ATF7IP2: variants seen among roughly 807,000 people sequenced by gnomAD.
ATF7IP2 encodes activating transcription factor 7 interacting protein 2, also known as activating transcription factor 7-interacting protein 2.
Under a neutral mutation model 64.2 loss-of-function variants are expected in ATF7IP2, and 42 were observed. The ratio of observed to expected loss-of-function variants is 0.65; its 90% CI spans 0.51 to 0.85. The LOEUF is 0.85. Among genes scored for constraint, ATF7IP2 ranks in the 40% least tolerant of loss-of-function variants. The pLI is 0.00. For missense variants in ATF7IP2, 933 were observed against 784.2 expected (o/e 1.19, Z -2.27); for synonymous variants, 308 against 272.8 (o/e 1.13, Z -1.27).
Position 10,412,010 on chromosome 16 carries a change from G to GTTTTTTTTTTTTTTTTTTTTTTTTTTT in ATF7IP2, c.-241-2561_-241-2535dup, listed in dbSNP as rs71133351. Among the ~76,000 whole-genome samples the GTTTTTTTTTTTTTTTTTTTTTTTTTTT allele has an allele frequency of 1.5e-4, 9 of 58,388 alleles. 1 individual carries two copies. Among genetic ancestry groups the GTTTTTTTTTTTTTTTTTTTTTTTTTTT allele is most frequent in the Non-Finnish European group, 3.0e-4 (9 of 30,164 alleles). The allele number at this position is 58,388 out of a possible 152,430, so 38.3% of individuals were successfully genotyped here. On this transcript the variant is annotated intron_variant, in intron 1 of 13. Coordinates refer to ENST00000562102, the MANE Select transcript of ATF7IP2 (RefSeq NM_001393719.1). ...CTTTTTGTTTCATTTATCTTTTTTT[G>GTTTTTTTTTTTTTTTTTTTTTTTTTTT]TTTTTTTTTTTTTTTTTTTTTTTTT...
intron 1 of ATF7IP2, among the ~76,000 whole-genome samples, chr16:10,403,421 A>G (rs1251649639): frequency 6.6e-6 from 1 of 152,048 alleles, no homozygotes. Flanking sequence ...TCACCACTGA[A>G]CTCATCCAGA....
intron 1 of ATF7IP2, among the ~76,000 whole-genome samples, chr16:10,412,035 T>TACAC (rs2047777564): frequency 6.8e-6 from 1 of 146,672 alleles, no homozygotes; most frequent in Non-Finnish European, 1.5e-5. Flanking sequence ...TTTTTTTTTT[T>TACAC]TTTTACACTT....
rs186169056 is a variant in ATF7IP2, at chr16:10,394,213, C to T, written c.-242+8091C>T. On this transcript the variant is annotated intron_variant, in intron 1 of 13. Coordinates refer to ENST00000562102, the MANE Select transcript of ATF7IP2 (RefSeq NM_001393719.1). ...AAAGGATAGATGAAGATACAACATG[C>T]AAATAGCAACCATAGTAAAGCTATC... Among the ~76,000 whole-genome samples the T allele has an allele frequency of 1.5e-4, 23 of 152,208 alleles. No homozygotes were observed. In the East Asian group the frequency reaches 4.4e-3, roughly 29 times the overall value.
At chr16:10,433,498 T>G (rs753280215) in intron 5 of ATF7IP2, 27 bp from the exon 6 acceptor site, 1 of 1,594,500 alleles carries the variant, frequency 6.3e-7, no homozygotes, top group Non-Finnish European at 8.6e-7. Context: ...AAAATATCTT[T>G]CTTTCTAATC....
At chr16:10,388,894 C>T (rs2047263630) in intron 1 of ATF7IP2, among the ~76,000 whole-genome samples, 1 of 152,034 alleles carries the variant, frequency 6.6e-6, no homozygotes, top group Non-Finnish European at 1.5e-5. Context: ...CGCCTGTAGT[C>T]CCAGCTTCTC....
At chr16:10,473,421 T>A in intron 10 of ATF7IP2, 58 bp from the exon 11 acceptor site, 1 of 1,087,570 alleles carries the variant, frequency 9.2e-7, no homozygotes, top group South Asian at 1.3e-5. Flanking sequence ...AGCATTCATA[T>A]TTCACAAAGC....
rs13329829 is a variant in ATF7IP2 at position 10,465,247 on chromosome 16, G to T, written c.1353-6863G>T. Among the ~76,000 whole-genome samples the T allele has an allele frequency of 2.8e-3, 422 of 152,158 alleles. 4 individuals are homozygous for T. Among genetic ancestry groups the T allele is most frequent in the African/African-American group, 9.7e-3 (401 of 41,552 alleles). On this transcript the variant is annotated intron_variant, in intron 9 of 13. Transcript: ENST00000562102. ...AACACTCAAGTAGTAAATGGCAGAG[G>T]CTGGATTTGGATCTAAACATTCTGT...
intron 12 of ATF7IP2, among the ~76,000 whole-genome samples, chr16:10,479,024 G>C (rs11074863): frequency 0.11 from 16,511 of 150,692 alleles, 1,977 homozygotes; most frequent in African/African-American, 0.31. Flanking sequence ...AGGATGTGGA[G>C]AAATAGGAAC....
At chr16:10,403,269 A>C (rs1454815729) in intron 1 of ATF7IP2, among the ~76,000 whole-genome samples, 2 of 152,116 alleles carry the variant, frequency 1.3e-5, no homozygotes, top group Non-Finnish European at 2.9e-5. Flanking sequence ...TCATGACTTC[A>C]TGTTACCAGA....
At chr16:10,398,746 G>A (rs968190008) in intron 1 of ATF7IP2, among the ~76,000 whole-genome samples, 36 of 152,062 alleles carry the variant, frequency 2.4e-4, no homozygotes, top group African/African-American at 8.5e-4. Flanking sequence ...GAGTAGAAAG[G>A]TGATTTTACA....
intron 8 of ATF7IP2, among the ~76,000 whole-genome samples, chr16:10,451,408 G>A (rs183860429): frequency 1.4e-3 from 211 of 152,246 alleles, no homozygotes; most frequent in African/African-American, 4.8e-3. Context: ...CCTGAAGAGT[G>A]TTTTCTAACT....
chr16:10,462,405 G>A (rs1467843907), intron 9 of ATF7IP2, among the ~76,000 whole-genome samples: 1 of 151,942 alleles, frequency 6.6e-6, no homozygotes, highest in Non-Finnish European at 1.5e-5. Context: ...TAGGAAAAAT[G>A]CCATCAGTTT....
chr16:10,456,555 C>G (rs1352459076), intron 8 of ATF7IP2, among the ~76,000 whole-genome samples: 1 of 152,162 alleles, frequency 6.6e-6, no homozygotes, highest in African/African-American at 2.4e-5. Context: ...CAGTGCCATA[C>G]TGCTTAGCTT....
intron 1 of ATF7IP2, among the ~76,000 whole-genome samples, chr16:10,394,393 A>G (rs183510914): frequency 1.3e-4 from 20 of 152,216 alleles, no homozygotes; most frequent in African/African-American, 4.6e-4. Context: ...TGAAGCAACT[A>G]TTGACAGAAT....
At chr16:10,454,508 C>A (rs1266810446) in intron 8 of ATF7IP2, among the ~76,000 whole-genome samples, 1 of 144,736 alleles carries the variant, frequency 6.9e-6, no homozygotes, top group African/African-American at 2.5e-5. Context: ...GTGGGTTAAT[C>A]TGTATATTTA....
chr16:10,407,823 A>C (rs1596452038), intron 1 of ATF7IP2, among the ~76,000 whole-genome samples: 1 of 151,794 alleles, frequency 6.6e-6, no homozygotes, highest in South Asian at 2.1e-4. Flanking sequence ...TCATTGTATC[A>C]TTCTTAGGCC....
chr16:10,479,513 A>C (rs2050137969), intron 12 of ATF7IP2, among the ~76,000 whole-genome samples: 1 of 151,874 alleles, frequency 6.6e-6, no homozygotes, highest in Admixed American at 6.6e-5. Flanking sequence ...GGGTAGGGGG[A>C]GTGGGGAGGG....
At chr16:10,436,912 A>AG (rs1262185362) in intron 6 of ATF7IP2, among the ~76,000 whole-genome samples, 1 of 152,142 alleles carries the variant, frequency 6.6e-6, no homozygotes, top group African/African-American at 2.4e-5. Flanking sequence ...TCAAAAAAAA[A>AG]AGATAAGTTC....
At chr16:10,481,177 T>C (rs934899781) in intron 13 of ATF7IP2, among the ~76,000 whole-genome samples, 4 of 152,190 alleles carry the variant, frequency 2.6e-5, no homozygotes, top group Non-Finnish European at 5.9e-5. Context: ...ATTGAACAAA[T>C]TGGAAAAGAA....
Sources: gnomAD v4.1 joint callset for allele counts (sites outside exome capture counted in the v4.1 genomes callset) on GRCh38, gnomAD v4.1.1 for gene constraint, MANE v1.5 for transcripts, NCBI Gene and HGNC (gene_info 2026-07-23, HGNC 2026-07-21) for gene names.